The following CTNND2 variants were observed in gnomAD, a reference collection of about 807,000 sequenced individuals.
The protein encoded by CTNND2 is catenin delta 2.
A neutral mutation model predicts 144.4 loss-of-function variants in CTNND2; 22 were observed. That is an observed-to-expected ratio of 0.15 (90% confidence interval 0.11 to 0.22). The LOEUF (loss-of-function observed/expected upper bound fraction) is 0.22, where lower values mean the gene tolerates loss of function less well. CTNND2 is among the 10% of genes least tolerant of loss of function. CTNND2 has a pLI of 1.00. For synonymous variants in CTNND2, 751 were observed against 695.6 expected (o/e 1.08, Z -1.25); for missense variants, 1,353 against 1,618.8 (o/e 0.84, Z 2.82).
At chr5:11,866,646 A>C (rs1795783133) in intron 1 of CTNND2, among the ~76,000 whole-genome samples, 1 of 152,210 alleles carries the variant, frequency 6.6e-6, no homozygotes, top group Non-Finnish European at 1.5e-5. Context: ...CTACGTGCTA[A>C]ATGTTTTTCG....
intron 12 of CTNND2, among the ~76,000 whole-genome samples, chr5:11,145,734 T>TCACACTTC (rs1370933550): frequency 6.6e-6 from 1 of 152,130 alleles, no homozygotes; most frequent in Non-Finnish European, 1.5e-5. Context: ...TCTCTTCCAA[T>TCACACTTC]CACACTTCCA....
At chr5:11,555,453 G>A (rs559167473) in intron 3 of CTNND2, among the ~76,000 whole-genome samples, 24 of 152,242 alleles carry the variant, frequency 1.6e-4, no homozygotes, top group African/African-American at 5.1e-4. Flanking sequence ...AAAAAGAGAG[G>A]TTTAGAGGAA....
At chr5:11,572,364 T>G (rs1777629980) in intron 2 of CTNND2, among the ~76,000 whole-genome samples, 1 of 152,176 alleles carries the variant, frequency 6.6e-6, no homozygotes, top group African/African-American at 2.4e-5. Context: ...TGTCCTCTAT[T>G]TCTGAAATTT....
At chr5:11,467,459 A>G (rs1164967915) in intron 3 of CTNND2, among the ~76,000 whole-genome samples, 1 of 152,082 alleles carries the variant, frequency 6.6e-6, no homozygotes, top group Non-Finnish European at 1.5e-5. Context: ...GAACGGTTAT[A>G]CTCCAAGTGC....
At chr5:11,686,810 ATATT>A (rs1267931640) in intron 2 of CTNND2, among the ~76,000 whole-genome samples, 7 of 148,356 alleles carry the variant, frequency 4.7e-5, no homozygotes, top group Admixed American at 1.4e-4. Context: ...ATATAAATAT[ATATT>A]TATATACTAT....
rs576189980 is a variant in CTNND2 at position 11,282,051 on chromosome 5, G to A, written c.1629-45228C>T. On this transcript the variant is annotated intron_variant, in intron 9 of 21. Transcript: ENST00000304623. The stretch of plus-strand genomic sequence containing the variant: ...GGACGGCTTATCTCTGTTCCAGGCA[G>A]TATAACATGAAGAGACTGAACTGGC... Among the ~76,000 whole-genome samples the A allele has an allele frequency of 5.9e-5, 9 of 152,174 alleles. No homozygotes were observed. The East Asian group carries it at 1.7e-3, about 29-fold the overall frequency.
At chr5:11,405,977 C>T (rs1195794001) in intron 5 of CTNND2, among the ~76,000 whole-genome samples, 2 of 152,090 alleles carry the variant, frequency 1.3e-5, no homozygotes, top group African/African-American at 2.4e-5. Context: ...GGTGAAACCC[C>T]GTCTCTACTA....
intron 9 of CTNND2, among the ~76,000 whole-genome samples, chr5:11,304,327 C>G (rs1749942497): frequency 6.6e-6 from 1 of 151,804 alleles, no homozygotes; most frequent in Admixed American, 6.6e-5. Flanking sequence ...ACCACACACA[C>G]ACACACACAC....
chr5:11,837,501 T>C (rs1338238657), intron 1 of CTNND2, among the ~76,000 whole-genome samples: 1 of 152,168 alleles, frequency 6.6e-6, no homozygotes, highest in Non-Finnish European at 1.5e-5. Context: ...CAGGGAAGAC[T>C]AGTCATCATA....
At chr5:11,001,975 C>T (rs1232083961) in intron 18 of CTNND2, among the ~76,000 whole-genome samples, 1 of 152,222 alleles carries the variant, frequency 6.6e-6, no homozygotes, top group Non-Finnish European at 1.5e-5. Context: ...GTCCCTCCAC[C>T]TCCAGTGCTT....
intron 1 of CTNND2, among the ~76,000 whole-genome samples, chr5:11,892,132 T>C (rs1417571873): frequency 6.6e-6 from 1 of 152,242 alleles, no homozygotes; most frequent in Non-Finnish European, 1.5e-5. Flanking sequence ...ATTGTGTCTA[T>C]ATTTTTAAGC....
intron 1 of CTNND2, among the ~76,000 whole-genome samples, chr5:11,779,781 A>G (rs1235009743): frequency 4.6e-5 from 7 of 152,192 alleles, no homozygotes; most frequent in Non-Finnish European, 2.9e-5. Context: ...AAAATAGTTC[A>G]GTTTAATGTA....
rs150039868 is a variant in CTNND2 at position 11,382,750 on chromosome 5, T to C, written c.1177+1915A>G. Among the ~76,000 whole-genome samples the C allele has an allele frequency of 3.4e-3, 510 of 152,080 alleles. 1 individual carries two copies. Among genetic ancestry groups the C allele is most frequent in the African/African-American group, 0.011 (476 of 41,490 alleles). ...CAACCCCGAAATTCCAAAAGCTGTT[T>C]TGCCATCTCTTGACCTAACTGCTCT... On this transcript the variant is annotated intron_variant, in intron 7 of 21. Coordinates refer to ENST00000304623, the MANE Select transcript of CTNND2 (RefSeq NM_001332.4).
At chr5:11,873,898 C>T (rs1382164252) in intron 1 of CTNND2, among the ~76,000 whole-genome samples, 2 of 152,186 alleles carry the variant, frequency 1.3e-5, no homozygotes, top group Non-Finnish European at 2.9e-5. Flanking sequence ...CAAGCCCCCA[C>T]TGGTGACAAG....
intron 3 of CTNND2, among the ~76,000 whole-genome samples, chr5:11,472,583 G>T (rs754944952): frequency 6.6e-6 from 1 of 152,062 alleles, no homozygotes; most frequent in Non-Finnish European, 1.5e-5. Context: ...ACTCAATTCT[G>T]TAAGTTTCTG....
chr5:11,739,614 G>C (rs1363643419), intron 1 of CTNND2, among the ~76,000 whole-genome samples: 1 of 151,102 alleles, frequency 6.6e-6, no homozygotes, highest in Non-Finnish European at 1.5e-5. Flanking sequence ...AAAACTGGAA[G>C]CATTCCCTTT....
At chr5:11,620,670 G>C (rs1025242562) in intron 2 of CTNND2, among the ~76,000 whole-genome samples, 16 of 152,102 alleles carry the variant, frequency 1.1e-4, no homozygotes, top group Non-Finnish European at 2.1e-4. Flanking sequence ...GTCTCACAAT[G>C]CCTGAGTTAT....
intron 9 of CTNND2, among the ~76,000 whole-genome samples, chr5:11,324,483 T>C (rs1026443983): frequency 6.6e-6 from 1 of 152,216 alleles, no homozygotes; most frequent in Non-Finnish European, 1.5e-5. Flanking sequence ...CCAAAGAAAC[T>C]TTCCCTATCA....
At chr5:11,571,638 C>T (rs1429968598) in intron 2 of CTNND2, among the ~76,000 whole-genome samples, 3 of 152,064 alleles carry the variant, frequency 2.0e-5, no homozygotes, top group East Asian at 3.9e-4. Flanking sequence ...ATCTCCGGAG[C>T]TTACCACTAT....
Sources: gnomAD v4.1 joint callset for allele counts (sites outside exome capture counted in the v4.1 genomes callset) on GRCh38, gnomAD v4.1.1 for gene constraint, MANE v1.5 for transcripts, NCBI Gene and HGNC (gene_info 2026-07-23, HGNC 2026-07-21) for gene names.